NRG1: variants seen among roughly 807,000 people sequenced by gnomAD.
NRG1 encodes pro-neuregulin-1, membrane-bound isoform.
A neutral mutation model predicts 63.8 loss-of-function variants in NRG1; 18 were observed. The observed-to-expected ratio is 0.28, with a 90% confidence interval of 0.19 to 0.42. The LOEUF (loss-of-function observed/expected upper bound fraction) is 0.42, where lower values mean the gene tolerates loss of function less well. Among genes scored for constraint, NRG1 ranks in the 10% least tolerant of loss-of-function variants. The pLI is 1.00. For missense variants in NRG1, 762 were observed against 814.7 expected, an observed-to-expected ratio of 0.94 and a Z score of 0.79; for synonymous variants, 302 against 301.3, an observed-to-expected ratio of 1.00 and a Z score of -0.02.
chr8:32,483,120 T>C (rs1436917923), intron 1 of NRG1, among the ~76,000 whole-genome samples: 7 of 152,254 alleles, frequency 4.6e-5, no homozygotes, highest in Admixed American at 4.6e-4. Context: ...GACATGAATA[T>C]GTGTGTGTGT....
At chr8:32,091,089 C>A (rs796291142) in intron 1 of NRG1, among the ~76,000 whole-genome samples, 10 of 152,186 alleles carry the variant, frequency 6.6e-5, no homozygotes, top group African/African-American at 2.4e-4. Context: ...ACCATCCTGG[C>A]TAACACGGTG....
chr8:31,949,750 T>C (rs893571497), intron 1 of NRG1, among the ~76,000 whole-genome samples: 1 of 152,204 alleles, frequency 6.6e-6, no homozygotes, highest in African/African-American at 2.4e-5. Context: ...ACGTACATTA[T>C]TGGCAGTCTC....
chr8:32,367,266 G>A (rs944606964), intron 1 of NRG1, among the ~76,000 whole-genome samples: 1 of 152,158 alleles, frequency 6.6e-6, no homozygotes, highest in Non-Finnish European at 1.5e-5. Flanking sequence ...CAATGTATAA[G>A]AGTTCCTTTT....
At chr8:32,450,108 G>A (rs912042890) in intron 1 of NRG1, among the ~76,000 whole-genome samples, 1 of 152,200 alleles carries the variant, frequency 6.6e-6, no homozygotes, top group Non-Finnish European at 1.5e-5. Context: ...AGCGAAGATA[G>A]AATCTTCAGG....
At chr8:31,648,591 AC>A (rs1263737432) in intron 1 of NRG1, among the ~76,000 whole-genome samples, 2 of 152,054 alleles carry the variant, frequency 1.3e-5, no homozygotes, top group African/African-American at 2.4e-5. Flanking sequence ...CCACTGACAA[AC>A]ACTATTCTAC....
At chr8:32,514,419 C>T (rs1829576586) in intron 1 of NRG1, among the ~76,000 whole-genome samples, 1 of 152,054 alleles carries the variant, frequency 6.6e-6, no homozygotes. Context: ...TTTTAACATG[C>T]TTCATGCTTG....
chr8:32,519,004 T>C (rs957001287), intron 1 of NRG1, among the ~76,000 whole-genome samples: 2 of 152,144 alleles, frequency 1.3e-5, no homozygotes, highest in African/African-American at 2.4e-5. Flanking sequence ...AACTAATGAG[T>C]AGTATGACAA....
intron 1 of NRG1, among the ~76,000 whole-genome samples, chr8:31,847,057 T>C (rs981727931): frequency 2.0e-5 from 3 of 152,232 alleles, no homozygotes; most frequent in African/African-American, 7.2e-5. Flanking sequence ...AAAGCACTTA[T>C]GGAATCCAAG....
At position 31,705,841 on chromosome 8, in the gene NRG1, A is replaced by G. The variant is rs541152353; in HGVS notation, c.37+66410A>G. On this transcript the variant is annotated intron_variant, in intron 1 of 10. Transcript: ENST00000519301. ...TCCCACACTACTGTGATTCCTGCTT[A>G]AAAAAGGAGGTAATCTAATGCCCAA... Among the ~76,000 whole-genome samples, 50 of 152,338 alleles carry G rather than the reference A, an allele frequency of 3.3e-4. 2 individuals carry two copies. The highest frequency in any genetic ancestry group is 2.7e-3 in the Admixed American group (41 of 15,306).
At chr8:32,228,225 C>T (rs529229565) in intron 1 of NRG1, among the ~76,000 whole-genome samples, 48 of 152,200 alleles carry the variant, frequency 3.2e-4, no homozygotes, top group Admixed American at 1.2e-3. Context: ...AATGAAATGG[C>T]CTATACTTAT....
chr8:32,013,584 G>C (rs1815069151), intron 1 of NRG1, among the ~76,000 whole-genome samples: 1 of 151,998 alleles, frequency 6.6e-6, no homozygotes, highest in Non-Finnish European at 1.5e-5. Flanking sequence ...AACTATAAGA[G>C]ACTGGCCACC....
intron 1 of NRG1, among the ~76,000 whole-genome samples, chr8:31,861,534 T>C (rs906366381): frequency 6.6e-6 from 1 of 152,164 alleles, no homozygotes; most frequent in Admixed American, 6.5e-5. Context: ...TGTCCACCAA[T>C]TGTCCCAGGA....
chr8:32,274,486 T>A (rs1851880533), intron 1 of NRG1, among the ~76,000 whole-genome samples: 1 of 152,236 alleles, frequency 6.6e-6, no homozygotes. Flanking sequence ...ACACATGAAC[T>A]GTTCTTTAAT....
chr8:32,483,029 A>G lies in NRG1; in HGVS notation c.38-112799A>G, dbSNP rs1176831759. Among the ~76,000 whole-genome samples the G allele has an allele frequency of 2.6e-5, 4 of 152,222 alleles. No homozygotes were observed. The East Asian group carries it at 7.7e-4, about 29-fold the overall frequency. On this transcript the variant is annotated intron_variant, in intron 1 of 10. Coordinates refer to the NRG1 transcript ENST00000519301. Reference sequence around the variant, plus strand: ...CTTAGGTTGCCAGGTGTCTTCCCACAGTTCCTGTCTTGTGTATGTTACACA... The same window carrying G: ...CTTAGGTTGCCAGGTGTCTTCCCACGGTTCCTGTCTTGTGTATGTTACACA...
chr8:32,361,204 A>G (rs982241710), intron 1 of NRG1, among the ~76,000 whole-genome samples: 16 of 152,132 alleles, frequency 1.1e-4, no homozygotes, highest in African/African-American at 3.1e-4. Flanking sequence ...CTACCCATGT[A>G]CCTTCATTGT....
intron 1 of NRG1, among the ~76,000 whole-genome samples, chr8:31,928,182 G>C (rs552064180): frequency 8.6e-5 from 13 of 151,842 alleles, no homozygotes; most frequent in African/African-American, 3.1e-4. Flanking sequence ...AGGAATATCT[G>C]TGAAGGGGGT....
intron 5 of NRG1, among the ~76,000 whole-genome samples, chr8:32,637,686 T>TTC (rs1851591499): frequency 6.6e-6 from 1 of 152,132 alleles, no homozygotes; most frequent in African/African-American, 2.4e-5. Flanking sequence ...ATTCTATACT[T>TTC]TCCTATGTAA....
intron 1 of NRG1, among the ~76,000 whole-genome samples, chr8:31,879,240 G>A (rs1208958327): frequency 6.6e-6 from 1 of 152,170 alleles, no homozygotes; most frequent in Non-Finnish European, 1.5e-5. Flanking sequence ...GGTAGCTAGT[G>A]TGTTCTGTAG....
rs1414518001 is a variant in NRG1, at chr8:31,815,925, T to C, written c.37+176494T>C. 2.0e-5 allele frequency among the ~76,000 whole-genome samples: 3 copies of C among 152,324 alleles called. No homozygotes were observed. The East Asian group carries it at 5.8e-4, about 29-fold the overall frequency. On this transcript the variant is annotated intron_variant, in intron 1 of 10. Transcript: ENST00000519301. ...TAGTTGTTATTGATGTTAAGCATCT[T>C]TTCATGTGCTTACCAGTCATTTCTG...
Sources: gnomAD v4.1 joint callset for allele counts (sites outside exome capture counted in the v4.1 genomes callset) on GRCh38, gnomAD v4.1.1 for gene constraint, MANE v1.5 for transcripts, NCBI Gene and HGNC (gene_info 2026-07-23, HGNC 2026-07-21) for gene names.